Variants in MTUS2 observed in about 807,000 individuals in gnomAD.
The protein encoded by MTUS2 is microtubule associated scaffold protein 2.
In MTUS2, 40 loss-of-function variants were observed where a neutral mutation model predicts 114.1. That is an observed-to-expected ratio of 0.35 (90% CI 0.27 to 0.46). The LOEUF (loss-of-function observed/expected upper bound fraction) is 0.46, where lower values mean the gene tolerates loss of function less well. MTUS2 is among the 20% of genes least tolerant of loss of function. MTUS2 has a pLI of 1.00. For synonymous variants in MTUS2, 688 were observed against 672.0 expected, an observed-to-expected ratio of 1.02 and a Z score of -0.37; for missense variants, 1,679 against 1,705.4, an observed-to-expected ratio of 0.98 and a Z score of 0.27.
chr13:28,860,180 T>TC (rs1876880146), intron 2 of MTUS2, among the ~76,000 whole-genome samples: 1 of 152,224 alleles, frequency 6.6e-6, no homozygotes, highest in Non-Finnish European at 1.5e-5. Context: ...AGGGTCGTCC[T>TC]CCCTTAAACA....
intron 8 of MTUS2, among the ~76,000 whole-genome samples, chr13:29,387,520 T>C (rs545631603): frequency 7.2e-5 from 11 of 152,206 alleles, no homozygotes; most frequent in African/African-American, 2.6e-4. Flanking sequence ...ATCTAGGTCA[T>C]GAGCCCCTGA....
chr13:29,255,123 C>G lies in MTUS2; in HGVS notation c.2645-26581C>G, dbSNP rs1310688647. 2.6e-5 allele frequency among the ~76,000 whole-genome samples: 4 copies of G among 152,166 alleles called. 1 individual carries two copies. The highest frequency in any genetic ancestry group is 5.9e-5 in the Non-Finnish European group (4 of 68,024). On this transcript the variant is annotated intron_variant, in intron 5 of 15. Transcript: ENST00000612955. ...CGGCAGTAAGTATCTCCCCGGTGAA[C>G]ATTTTCTGACAGCAGCCCCTGTAAT...
chr13:29,205,792 C>A (rs954743128), intron 5 of MTUS2, among the ~76,000 whole-genome samples: 3 of 152,118 alleles, frequency 2.0e-5, no homozygotes, highest in African/African-American at 7.2e-5. Flanking sequence ...ACCATATTTT[C>A]TTTATCTACT....
At chr13:28,931,366 T>TG (rs1375891481) in intron 2 of MTUS2, among the ~76,000 whole-genome samples, 1 of 152,134 alleles carries the variant, frequency 6.6e-6, no homozygotes, top group Admixed American at 6.5e-5. Context: ...AGGAACCTGG[T>TG]GGGAGGTGAT....
At chr13:28,853,501 T>G (rs1035025048) in intron 2 of MTUS2, among the ~76,000 whole-genome samples, 3 of 152,246 alleles carry the variant, frequency 2.0e-5, no homozygotes, top group Non-Finnish European at 4.4e-5. Context: ...GGGCAACCTG[T>G]AAGGCTCTGA....
chr13:28,899,653 G>A (rs1352089068), intron 2 of MTUS2, among the ~76,000 whole-genome samples: 1 of 152,008 alleles, frequency 6.6e-6, no homozygotes, highest in Non-Finnish European at 1.5e-5. Context: ...CTTGTGATCT[G>A]CCCGTCTCGG....
intron 5 of MTUS2, among the ~76,000 whole-genome samples, chr13:29,124,840 A>G (rs2138925953): frequency 6.6e-6 from 1 of 152,352 alleles, no homozygotes; most frequent in East Asian, 1.9e-4. Context: ...ACAAAGGACA[A>G]ATAAATACTG....
At chr13:29,156,037 G>GA (rs1327601160) in intron 5 of MTUS2, among the ~76,000 whole-genome samples, 9 of 152,010 alleles carry the variant, frequency 5.9e-5, no homozygotes, top group African/African-American at 1.5e-4. Flanking sequence ...GACCTTGATT[G>GA]AAAGTACTCT....
chr13:28,986,826 AT>A (rs1356884453), intron 2 of MTUS2, among the ~76,000 whole-genome samples: 1 of 152,218 alleles, frequency 6.6e-6, no homozygotes, highest in Non-Finnish European at 1.5e-5. Flanking sequence ...AATTAAAATA[AT>A]TAAATTAAGA....
At chr13:28,834,348 A>C (rs926739011) in intron 1 of MTUS2, among the ~76,000 whole-genome samples, 4 of 152,174 alleles carry the variant, frequency 2.6e-5, no homozygotes, top group Non-Finnish European at 5.9e-5. Context: ...GTGGTATAAA[A>C]TTGATCCATA....
At chr13:29,340,675 T>G (rs1901347478) in intron 7 of MTUS2, among the ~76,000 whole-genome samples, 1 of 152,212 alleles carries the variant, frequency 6.6e-6, no homozygotes, top group Non-Finnish European at 1.5e-5. Flanking sequence ...CAGTAGTTTT[T>G]GGGGGAAAGG....
chr13:29,125,051 A>C (rs116522439), intron 5 of MTUS2, among the ~76,000 whole-genome samples: 15 of 152,232 alleles, frequency 9.9e-5, no homozygotes, highest in African/African-American at 3.4e-4. Context: ...ACTTAATACC[A>C]CTGAACTTTA....
At chr13:29,075,859 G>A (rs1204001439) in intron 4 of MTUS2, among the ~76,000 whole-genome samples, 1 of 152,116 alleles carries the variant, frequency 6.6e-6, no homozygotes, top group Non-Finnish European at 1.5e-5. Flanking sequence ...GAGAGGCTTG[G>A]ACTTTTCAAA....
Position 29,497,291 on chromosome 13 carries a change from C to T in MTUS2, c.3633C>T (p.Arg1211=), listed in dbSNP as rs779227047. 2 of 1,612,076 alleles carry T rather than the reference C, an allele frequency of 1.2e-6. No homozygotes were observed. The highest frequency in any genetic ancestry group is 2.7e-5 in the African/African-American group (2 of 74,868). ...FQSQSLRDRA[R]RFEEALRKNT... Reference sequence around the variant, plus strand: ...GCCAGTCTCTGCGGGACAGAGCCCGCCGCTTCGAAGAGGCCTTGAGGAAGA... The same window carrying T: ...GCCAGTCTCTGCGGGACAGAGCCCGTCGCTTCGAAGAGGCCTTGAGGAAGA... The change falls in exon 13 of 16, where the codon CGC becomes CGT. Residue 1211 remains arginine (R), a synonymous_variant. Coordinates refer to ENST00000612955, the MANE Select transcript of MTUS2 (RefSeq NM_001033602.4).
intron 5 of MTUS2, among the ~76,000 whole-genome samples, chr13:29,229,531 A>G (rs1896242639): frequency 1.3e-5 from 2 of 152,254 alleles, no homozygotes; most frequent in African/African-American, 4.8e-5. Context: ...TTGCTTTAAA[A>G]GTATGAATCC....
intron 4 of MTUS2, among the ~76,000 whole-genome samples, chr13:29,048,927 C>A (rs907911389): frequency 1.3e-5 from 2 of 152,236 alleles, no homozygotes; most frequent in East Asian, 1.9e-4. Flanking sequence ...CCATAGTATT[C>A]TTGAGCTTTT....
intron 6 of MTUS2, among the ~76,000 whole-genome samples, chr13:29,319,539 T>C (rs1402906145): frequency 1.3e-5 from 2 of 152,196 alleles, no homozygotes; most frequent in Non-Finnish European, 2.9e-5. Flanking sequence ...AGGGCTGTCA[T>C]CGTCCCAACT....
At chr13:28,848,701 C>T (rs1876048335) in intron 2 of MTUS2, among the ~76,000 whole-genome samples, 2 of 151,908 alleles carry the variant, frequency 1.3e-5, no homozygotes, top group Admixed American at 1.3e-4. Flanking sequence ...CTAGCCCCAC[C>T]CTATTCCCTG....
chr13:29,068,539 C>T (rs1292535358), intron 4 of MTUS2, among the ~76,000 whole-genome samples: 1 of 151,882 alleles, frequency 6.6e-6, no homozygotes, highest in African/African-American at 2.4e-5. Flanking sequence ...AACCATAAAC[C>T]AGATAGAAGA....
Sources: gnomAD v4.1 joint callset for allele counts (sites outside exome capture counted in the v4.1 genomes callset) on GRCh38, gnomAD v4.1.1 for gene constraint, MANE v1.5 for transcripts, NCBI Gene and HGNC (gene_info 2026-07-23, HGNC 2026-07-21) for gene names.